BAIAP2L1: variants seen among roughly 807,000 people sequenced by gnomAD.
The protein encoded by BAIAP2L1 is BAR/IMD domain-containing adapter protein 2-like 1.
In BAIAP2L1, 35 loss-of-function variants were observed where a neutral mutation model predicts 66.3. The ratio of observed to expected loss-of-function variants is 0.53; its 90% CI spans 0.40 to 0.70. BAIAP2L1 has a LOEUF of 0.70. BAIAP2L1 is among the 30% of genes least tolerant of loss of function. The probability of loss-of-function intolerance (pLI) is 0.00; values close to 1 mark genes in which losing one functional copy is unlikely to be tolerated. For synonymous variants in BAIAP2L1, 269 were observed against 248.7 expected (o/e 1.08, Z -0.77); for missense variants, 622 against 656.9 (o/e 0.95, Z 0.58).
chr7:98,312,112 G>A lies in BAIAP2L1; in HGVS notation c.792C>T (p.Ile264=), dbSNP rs554904041. 289 of 1,603,142 alleles carry A rather than the reference G, an allele frequency of 1.8e-4. 2 individuals carry two copies. In the South Asian group the frequency reaches 2.1e-3, roughly 11 times the overall value. ...TGGCTCCTACCACATTGCTTCTCTC[G>A]ATCATGGGTGAAGCCTGAGGAGTTC... ...VSGTPQASPM[I]ERSNVVRKDY... Residue 264 remains isoleucine, a synonymous_variant, in exon 8 of 14, where the codon ATC becomes ATT. Coordinates refer to ENST00000005260, the MANE Select transcript of BAIAP2L1 (RefSeq NM_018842.5).
rs868293508 is a variant in BAIAP2L1 at position 98,333,664 on chromosome 7, T to G, written c.215-13366A>C. 5.9e-5 allele frequency among the ~76,000 whole-genome samples: 9 copies of G among 152,284 alleles called. 1 individual carries two copies. In the Middle Eastern group the frequency reaches 0.027, roughly 460 times the overall value. On this transcript the variant is annotated intron_variant, in intron 3 of 13. Coordinates refer to ENST00000005260, the MANE Select transcript of BAIAP2L1 (RefSeq NM_018842.5). The stretch of plus-strand genomic sequence containing the variant: ...TGGTATTTAAATATCAAAGAAAAAC[T>G]ACTGCAATTTCTTGATTATTAGACA...
chr7:98,376,424 T>G (rs1032802203), intron 1 of BAIAP2L1, among the ~76,000 whole-genome samples: 1 of 151,886 alleles, frequency 6.6e-6, no homozygotes, highest in Non-Finnish European at 1.5e-5. Context: ...GATGGGAGAA[T>G]TGCTTGAGCC....
chr7:98,370,544 G>A (rs941125474), intron 1 of BAIAP2L1, among the ~76,000 whole-genome samples: 11 of 151,610 alleles, frequency 7.3e-5, no homozygotes, highest in East Asian at 3.9e-4. Flanking sequence ...TCGCACTGTC[G>A]CCCAGGGAGT....
In BAIAP2L1 at chr7:98,321,576, C is replaced by T. The variant is rs1432152055; in HGVS notation, c.215-1278G>A. Among the ~76,000 whole-genome samples the T allele has an allele frequency of 2.6e-5, 4 of 152,158 alleles. No individual in the cohort carries two copies. The South Asian group carries it at 8.3e-4, about 32-fold the overall frequency. The stretch of plus-strand genomic sequence containing the variant: ...CATATCTCTGCAGTGAGTGGCAGTG[C>T]GCCAGCTCTCTGCCACCTTTCTACA... On this transcript the variant is annotated intron_variant, in intron 3 of 13. Transcript: ENST00000005260.
chr7:98,372,965 C>T (rs1411677019), intron 1 of BAIAP2L1, among the ~76,000 whole-genome samples: 1 of 152,094 alleles, frequency 6.6e-6, no homozygotes, highest in African/African-American at 2.4e-5. Flanking sequence ...GTCTCGAGCT[C>T]CTGACCTCAG....
At chr7:98,314,274 T>C (rs997883966) in intron 7 of BAIAP2L1, among the ~76,000 whole-genome samples, 2 of 152,128 alleles carry the variant, frequency 1.3e-5, no homozygotes, top group South Asian at 2.1e-4. Flanking sequence ...TGAGCCACCA[T>C]GCGCAGTCCT....
chr7:98,321,292 T>C (rs2116906706), intron 3 of BAIAP2L1, among the ~76,000 whole-genome samples: 1 of 152,350 alleles, frequency 6.6e-6, no homozygotes, highest in East Asian at 1.9e-4. Flanking sequence ...ATGATTTATT[T>C]TTATCGAATC....
At chr7:98,308,140 G>A (rs556974480) in intron 9 of BAIAP2L1, 22 of 637,452 alleles carry the variant, frequency 3.5e-5, no homozygotes, top group Admixed American at 2.9e-4. Flanking sequence ...CTGCGGCTGC[G>A]GGCTCTTTTC....
intron 11 of BAIAP2L1, 136 bp from the exon 12 acceptor site, chr7:98,304,512 A>G: frequency 1.2e-6 from 1 of 864,736 alleles, no homozygotes; most frequent in Non-Finnish European, 1.8e-6. Flanking sequence ...TCACACACAC[A>G]GACACACACA....
chr7:98,319,394 A>G (rs988691471), intron 5 of BAIAP2L1, among the ~76,000 whole-genome samples: 6 of 152,178 alleles, frequency 3.9e-5, no homozygotes, highest in African/African-American at 1.4e-4. Flanking sequence ...TCTCCCGCAC[A>G]CCACCCACAG....
chr7:98,306,080 A>T (rs1392351751), intron 11 of BAIAP2L1, among the ~76,000 whole-genome samples: 1 of 152,176 alleles, frequency 6.6e-6, no homozygotes, highest in African/African-American at 2.4e-5. Context: ...TTCCAGAAAA[A>T]GCATACAACA....
Position 98,320,052 on chromosome 7 carries a change from A to G in BAIAP2L1, c.348+6T>C. On this transcript the variant is annotated splice_donor_region_variant and intron_variant, in intron 5 of 13. Coordinates refer to ENST00000005260, the MANE Select transcript of BAIAP2L1 (RefSeq NM_018842.5). ...GGCTGGGGCTGGAGGAAAACCATGC[A>G]CTTACGTTCATATATTTCACGTCAA... is the stretch of plus-strand genomic sequence containing the variant. 2 of 1,610,854 alleles carry G rather than the reference A, an allele frequency of 1.2e-6. No individual in the cohort carries two copies. Among genetic ancestry groups the G allele is most frequent in the Non-Finnish European group, 1.7e-6 (2 of 1,178,246 alleles).
At chr7:98,318,722 A>C (rs541104185) in intron 5 of BAIAP2L1, among the ~76,000 whole-genome samples, 81 of 151,074 alleles carry the variant, frequency 5.4e-4, no homozygotes, top group African/African-American at 1.8e-3. Context: ...AGGCAGGTGC[A>C]CCACGAGGTC....
chr7:98,353,180 T>C (rs1339625909), intron 3 of BAIAP2L1, among the ~76,000 whole-genome samples: 2 of 151,414 alleles, frequency 1.3e-5, no homozygotes, highest in Non-Finnish European at 2.9e-5. Flanking sequence ...GGAAAACTTC[T>C]GCATGTAACT....
rs552168637 is a variant in BAIAP2L1 at position 98,393,084 on chromosome 7, T to C, written c.51+7718A>G. Among the ~76,000 whole-genome samples the C allele has an allele frequency of 7.2e-4, 77 of 106,720 alleles. 8 individuals carry two copies. The highest frequency in any genetic ancestry group is 5.3e-3 in the Middle Eastern group (1 of 188). The allele number at this position is 106,720 out of a possible 152,430, so 70.0% of individuals were successfully genotyped here. A position where few individuals can be genotyped will look rare whatever the true frequency, so the allele number is the denominator to read the frequency against. On this transcript the variant is annotated intron_variant, in intron 1 of 13. Coordinates refer to ENST00000005260, the MANE Select transcript of BAIAP2L1 (RefSeq NM_018842.5). ...GTACACATATATGTATACACACACA[T>C]ATATACATATATACGTGTACATATA...
intron 1 of BAIAP2L1, among the ~76,000 whole-genome samples, chr7:98,395,244 C>G (rs943437263): frequency 7.2e-5 from 11 of 152,034 alleles, no homozygotes; most frequent in Admixed American, 2.0e-4. Flanking sequence ...TCGAGACCAG[C>G]CTGACCAACA....
chr7:98,349,595 G>A lies in BAIAP2L1; in HGVS notation c.214+5447C>T, dbSNP rs774444528. On this transcript the variant is annotated intron_variant, in intron 3 of 13. Transcript: ENST00000005260. ...TTCTTGAAAAGTCCCCTGTCAGCCT[G>A]GGTGCAGTGGTTCACACCTGTAATC... 6.6e-5 allele frequency among the ~76,000 whole-genome samples: 10 copies of A among 152,064 alleles called. No individual in the cohort carries two copies. The East Asian group carries it at 1.4e-3, about 21-fold the overall frequency.
intron 3 of BAIAP2L1, among the ~76,000 whole-genome samples, chr7:98,351,131 G>A (rs1286960958): frequency 6.6e-6 from 1 of 152,164 alleles, no homozygotes; most frequent in Non-Finnish European, 1.5e-5. Context: ...AAAGTGCTGG[G>A]ATTACAGGCC....
intron 1 of BAIAP2L1, among the ~76,000 whole-genome samples, chr7:98,384,217 A>T (rs1584502242): frequency 6.6e-6 from 1 of 152,130 alleles, no homozygotes; most frequent in East Asian, 1.9e-4. Context: ...ACACGGAAAC[A>T]GGTACAAAGA....
Sources: allele counts gnomAD v4.1 joint callset (sites outside exome capture counted in the v4.1 genomes callset), GRCh38; gene constraint gnomAD v4.1.1; transcripts MANE v1.5; gene names NCBI Gene and HGNC (gene_info 2026-07-23, HGNC 2026-07-21).